Variants in NAALADL2 observed in about 807,000 individuals in gnomAD.
NAALADL2 encodes inactive N-acetylated-alpha-linked acidic dipeptidase-like protein 2.
A neutral mutation model predicts 87.2 loss-of-function variants in NAALADL2; 76 were observed. The ratio of observed to expected loss-of-function variants is 0.87; its 90% CI spans 0.72 to 1.05. The LOEUF (loss-of-function observed/expected upper bound fraction) is 1.05. Ranked by LOEUF, NAALADL2 falls within the 50% of genes least tolerant of loss-of-function variation. The pLI, the probability that NAALADL2 is intolerant of heterozygous loss-of-function variation, is 0.00. For missense variants in NAALADL2, 1,089 were observed against 945.8 expected (o/e 1.15, Z -1.99); for synonymous variants, 354 against 331.0 (o/e 1.07, Z -0.75).
At chr3:174,475,144 A>T (rs906630632) in intron 1 of NAALADL2, among the ~76,000 whole-genome samples, 4 of 151,930 alleles carry the variant, frequency 2.6e-5, no homozygotes, top group Non-Finnish European at 5.9e-5. Flanking sequence ...TAAAATAAAA[A>T]ATCAAGCCAC....
intron 13 of NAALADL2, among the ~76,000 whole-genome samples, chr3:175,764,860 T>C (rs1748490498): frequency 6.6e-6 from 1 of 152,096 alleles, no homozygotes. Flanking sequence ...ATGATCTCAT[T>C]ATACAGTTTT....
At chr3:175,495,219 C>T (rs1471660392) in intron 9 of NAALADL2, among the ~76,000 whole-genome samples, 1 of 151,660 alleles carries the variant, frequency 6.6e-6, no homozygotes, top group Non-Finnish European at 1.5e-5. Context: ...TTTGCTCCTA[C>T]CTGTGATTAT....
chr3:174,767,946 A>G (rs1014501651), intron 3 of NAALADL2, among the ~76,000 whole-genome samples: 1 of 152,186 alleles, frequency 6.6e-6, no homozygotes, highest in Non-Finnish European at 1.5e-5. Flanking sequence ...TAAGCCAGCA[A>G]ATAGAGTAGC....
rs1043518745 is a variant in NAALADL2 at position 175,172,643 on chromosome 3, C to T, written c.546-61288C>T. On this transcript the variant is annotated intron_variant, in intron 2 of 13. Coordinates refer to ENST00000454872, the MANE Select transcript of NAALADL2 (RefSeq NM_207015.3). ...GTAAGAGAAACATACATGAGTAAGA[C>T]ACAAAGTTGCTTATGACTTATGTTA... Among the ~76,000 whole-genome samples the T allele has an allele frequency of 2.2e-4, 33 of 151,994 alleles. 1 individual carries two copies. Among genetic ancestry groups the T allele is most frequent in the Admixed American group, 1.8e-3 (27 of 15,250 alleles).
intron 2 of NAALADL2, among the ~76,000 whole-genome samples, chr3:174,707,222 T>A (rs1730160822): frequency 6.6e-6 from 1 of 152,174 alleles, no homozygotes; most frequent in Non-Finnish European, 1.5e-5. Flanking sequence ...TCAACCGTTG[T>A]GGAAGACAGT....
intron 8 of NAALADL2, among the ~76,000 whole-genome samples, chr3:175,467,732 C>CT (rs1724297605): frequency 6.6e-6 from 1 of 152,088 alleles, no homozygotes; most frequent in African/African-American, 2.4e-5. Context: ...TATTGCCTAC[C>CT]TACCTACCTA....
intron 2 of NAALADL2, among the ~76,000 whole-genome samples, chr3:175,098,464 G>A (rs774841519): frequency 6.6e-6 from 1 of 152,128 alleles, no homozygotes; most frequent in Non-Finnish European, 1.5e-5. Flanking sequence ...TCTAGAGGGA[G>A]AAAGTGATGG....
chr3:175,198,251 A>G (rs1444637347), intron 2 of NAALADL2, among the ~76,000 whole-genome samples: 2 of 152,088 alleles, frequency 1.3e-5, no homozygotes, highest in Non-Finnish European at 2.9e-5. Context: ...AATTCGAAGA[A>G]TCTAGTACCT....
At chr3:174,855,815 CACACAT>C (rs765896837), upstream of NAALADL2, among the ~76,000 whole-genome samples, 657 of 122,266 alleles carry the variant, frequency 5.4e-3, 3 homozygotes, top group Middle Eastern at 0.02. Flanking sequence ...CACACACACA[CACACAT>C]GTATATGTCT....
At chr3:175,345,085 A>T (rs1762987372) in intron 5 of NAALADL2, among the ~76,000 whole-genome samples, 1 of 152,198 alleles carries the variant, frequency 6.6e-6, no homozygotes, top group South Asian at 2.1e-4. Context: ...CTTATTGTAC[A>T]ATCAAAGTAG....
chr3:175,459,599 C>A (rs1388831582), intron 6 of NAALADL2, among the ~76,000 whole-genome samples: 1 of 151,592 alleles, frequency 6.6e-6, no homozygotes, highest in Non-Finnish European at 1.5e-5. Context: ...TAGTTAAATT[C>A]AAAAAGCACA....
At chr3:175,224,124 C>A (rs34220266) in intron 2 of NAALADL2, among the ~76,000 whole-genome samples, 1 of 151,524 alleles carries the variant, frequency 6.6e-6, no homozygotes, top group Non-Finnish European at 1.5e-5. Context: ...GAGGTGGGGA[C>A]CAGGTAAATG....
intron 1 of NAALADL2, among the ~76,000 whole-genome samples, chr3:174,517,460 C>T (rs1240645844): frequency 6.6e-6 from 1 of 151,942 alleles, no homozygotes; most frequent in African/African-American, 2.4e-5. Flanking sequence ...TCTAAAATGG[C>T]AAGTGTTTCT....
At chr3:174,634,825 T>A (rs2108708930) in intron 2 of NAALADL2, among the ~76,000 whole-genome samples, 1 of 152,328 alleles carries the variant, frequency 6.6e-6, no homozygotes, top group South Asian at 2.1e-4. Context: ...AAAATAATTT[T>A]GTCATTTTTT....
chr3:175,683,892 CAA>C (rs1735933541), intron 11 of NAALADL2, among the ~76,000 whole-genome samples: 1 of 151,626 alleles, frequency 6.6e-6, no homozygotes, highest in South Asian at 2.1e-4. Context: ...ACAAGTGAGA[CAA>C]AGTGTTGAAA....
intron 1 of NAALADL2, among the ~76,000 whole-genome samples, chr3:174,906,919 T>G (rs566917579): frequency 6.6e-6 from 1 of 152,210 alleles, no homozygotes; most frequent in Admixed American, 6.5e-5. Flanking sequence ...TCACTAATCT[T>G]TCTTCTTATA....
chr3:175,686,616 GATT>G (rs1736335397), intron 11 of NAALADL2, among the ~76,000 whole-genome samples: 1 of 151,834 alleles, frequency 6.6e-6, no homozygotes, highest in Non-Finnish European at 1.5e-5. Flanking sequence ...ATTAGCTTTA[GATT>G]ATTTTCTTCA....
chr3:175,362,856 C>T (rs59066174), intron 5 of NAALADL2, among the ~76,000 whole-genome samples: 44,668 of 146,756 alleles, frequency 0.3, 10,272 homozygotes, highest in East Asian at 0.56. Context: ...TGTTTTTTGA[C>T]TTTTTGATCA....
At chr3:175,392,063 A>C (rs912939123) in intron 5 of NAALADL2, among the ~76,000 whole-genome samples, 1 of 152,228 alleles carries the variant, frequency 6.6e-6, no homozygotes, top group Non-Finnish European at 1.5e-5. Flanking sequence ...TCTCAAGATC[A>C]CAGTTTCTAA....
Sources: allele counts gnomAD v4.1 joint callset (sites outside exome capture counted in the v4.1 genomes callset), GRCh38; gene constraint gnomAD v4.1.1; transcripts MANE v1.5; gene names NCBI Gene and HGNC (gene_info 2026-07-23, HGNC 2026-07-21).